CMTM7: variants seen among roughly 807,000 people sequenced by gnomAD.
CMTM7 encodes the protein CKLF-like MARVEL transmembrane domain-containing protein 7.
CMTM7 carries 7 observed loss-of-function variants against 19.3 expected under a neutral mutation model. The ratio of observed to expected loss-of-function variants is 0.36; its 90% CI spans 0.21 to 0.68. CMTM7 has a LOEUF of 0.68. Ranked by LOEUF, CMTM7 falls within the 30% of genes least tolerant of loss-of-function variation. CMTM7 has a pLI of 0.60. For missense variants in CMTM7, 193 were observed against 232.6 expected, an observed-to-expected ratio of 0.83 and a Z score of 1.11; for synonymous variants, 87 against 99.3, an observed-to-expected ratio of 0.88 and a Z score of 0.74.
At chr3:32,397,258 T>C (rs1695931951) in intron 1 of CMTM7, among the ~76,000 whole-genome samples, 1 of 152,172 alleles carries the variant, frequency 6.6e-6, no homozygotes, top group Non-Finnish European at 1.5e-5. Context: ...TACAAAAGCT[T>C]GCGATCAGCT....
chr3:32,406,404 A>G (rs1313746874), intron 1 of CMTM7, among the ~76,000 whole-genome samples: 1 of 152,198 alleles, frequency 6.6e-6, no homozygotes, highest in African/African-American at 2.4e-5. Context: ...CATGCTTTTC[A>G]ACATTTTTGC....
intron 1 of CMTM7, among the ~76,000 whole-genome samples, chr3:32,441,346 C>A (rs1696672890): frequency 6.6e-6 from 1 of 152,170 alleles, no homozygotes; most frequent in Non-Finnish European, 1.5e-5. Flanking sequence ...TGTCAGACAT[C>A]AGTAAATGGT....
At position 32,404,887 on chromosome 3, in the gene CMTM7, G is replaced by T. The variant is rs562935736; in HGVS notation, c.159+12822G>T. Reference sequence around the variant, plus strand: ...GTGAGTTAAAAGATTTTCTCCAGGTGGGCCTGCCCTCATCAGGTAAAAGCC... The same window carrying T: ...GTGAGTTAAAAGATTTTCTCCAGGTTGGCCTGCCCTCATCAGGTAAAAGCC... On this transcript the variant is annotated intron_variant, in intron 1 of 4. Transcript: ENST00000334983. Among the ~76,000 whole-genome samples the T allele has an allele frequency of 7.2e-5, 11 of 152,362 alleles. No individual in the cohort carries two copies. The East Asian group carries it at 1.9e-3, about 27-fold the overall frequency.
chr3:32,451,738 CTCTTCG>C lies in CMTM7; in HGVS notation c.433-650_433-645del, dbSNP rs201140127. ...CCATTTGATGAGCCTCCCACAGGCACTCTTCGTCTCCCAGCACCCGAATCTCATCTA... is the reference window on the plus strand; with the variant it reads ...CCATTTGATGAGCCTCCCACAGGCACTCTCCCAGCACCCGAATCTCATCTA... On this transcript the variant is annotated intron_variant, in intron 3 of 4. Transcript: ENST00000334983. 2.3e-3 allele frequency: 508 copies of C among 225,104 alleles called. 4 individuals are homozygous for C. The highest frequency in any genetic ancestry group is 0.011 in the African/African-American group (482 of 42,392). The allele number at this position is 225,104 out of a possible 1,614,324, so 13.9% of individuals were successfully genotyped here.
At chr3:32,425,827 C>A (rs1220241306) in intron 1 of CMTM7, among the ~76,000 whole-genome samples, 1 of 152,088 alleles carries the variant, frequency 6.6e-6, no homozygotes, top group East Asian at 1.9e-4. Context: ...GAAAGGACAC[C>A]GGTCGGCACC....
At chr3:32,418,333 A>G (rs1188147090) in intron 1 of CMTM7, among the ~76,000 whole-genome samples, 1 of 152,220 alleles carries the variant, frequency 6.6e-6, no homozygotes, top group South Asian at 2.1e-4. Flanking sequence ...GGGATTTACA[A>G]AATGTTTCCA....
Position 32,449,394 on chromosome 3 carries a change from C to A in CMTM7, c.334-60C>A. ...TTTCATGTCTTCTGATGCCCAGTTG[C>A]TCTTCCCGGACCAGAAATGGACGGC... is the stretch of plus-strand genomic sequence containing the variant. On this transcript the variant is annotated intron_variant, in intron 2 of 4. Coordinates refer to ENST00000334983, the MANE Select transcript of CMTM7 (RefSeq NM_138410.4). The surrounding 1 kb of genome is among the most constrained non-coding windows in gnomAD (Gnocchi z 4.5). 1 of 1,139,106 alleles carries A rather than the reference C, an allele frequency of 8.8e-7. No individual in the cohort carries two copies. The highest frequency in any genetic ancestry group is 1.3e-6 in the Non-Finnish European group (1 of 746,450). The allele number at this position is 1,139,106 out of a possible 1,614,324, so 70.6% of individuals were successfully genotyped here. A position where few individuals can be genotyped will look rare whatever the true frequency, so the allele number is the denominator to read the frequency against.
chr3:32,392,123 G>A (rs1695844552), intron 1 of CMTM7, 58 bp downstream of exon 1: 5 of 1,193,076 alleles, frequency 4.2e-6, no homozygotes, highest in Non-Finnish European at 5.2e-6. Flanking sequence ...GAAAGCAGGG[G>A]TCCGGGAGCG....
chr3:32,451,288 C>T (rs1288237484), intron 3 of CMTM7: 1 of 152,282 alleles, frequency 6.6e-6, no homozygotes, highest in African/African-American at 2.4e-5. Context: ...CTTAGCTGCC[C>T]CTGCGCCATT....
At chr3:32,429,750 G>A (rs972716750) in intron 1 of CMTM7, among the ~76,000 whole-genome samples, 6 of 151,752 alleles carry the variant, frequency 4.0e-5, no homozygotes, top group Non-Finnish European at 5.9e-5. Flanking sequence ...ACAGGCGCCC[G>A]CCACCACACC....
At chr3:32,392,308 C>T in intron 1 of CMTM7, among the ~76,000 whole-genome samples, 1 of 151,860 alleles carries the variant, frequency 6.6e-6, no homozygotes, top group East Asian at 1.9e-4. Flanking sequence ...ACCCAGGTCG[C>T]CAGGGTCGCA....
chr3:32,449,650 T>A lies in CMTM7; in HGVS notation c.432+98T>A. The A allele has an allele frequency of 1.1e-6, 1 of 931,558 alleles. No individual in the cohort carries two copies. The highest frequency in any genetic ancestry group is 1.8e-6 in the Non-Finnish European group (1 of 565,078). 57.7% of individuals were successfully genotyped at this position (931,558 alleles called of 1,614,324 possible). On this transcript the variant is annotated intron_variant, in intron 3 of 4. Coordinates refer to ENST00000334983, the MANE Select transcript of CMTM7 (RefSeq NM_138410.4). This position sits in a 1 kb window ranked among gnomAD's most constrained non-coding sequence, Gnocchi z 4.5. The stretch of plus-strand genomic sequence containing the variant: ...GAGAAGGGCTTGGTTTCTGGGGCAT[T>A]CCCTTCATAGAATCAATACCTACCT...
At chr3:32,398,103 G>A (rs1186969673) in intron 1 of CMTM7, among the ~76,000 whole-genome samples, 1 of 152,138 alleles carries the variant, frequency 6.6e-6, no homozygotes, top group Non-Finnish European at 1.5e-5. Context: ...TTAGGGTTGG[G>A]AAGGAAAAAG....
intron 1 of CMTM7, among the ~76,000 whole-genome samples, chr3:32,409,039 G>A (rs1696133985): frequency 6.6e-6 from 1 of 151,950 alleles, no homozygotes; most frequent in African/African-American, 2.4e-5. Context: ...GCGCCACCAT[G>A]CCCAGCTAAT....
chr3:32,442,541 G>A (rs1161466445), intron 2 of CMTM7, among the ~76,000 whole-genome samples: 1 of 149,534 alleles, frequency 6.7e-6, no homozygotes, highest in African/African-American at 2.5e-5. Flanking sequence ...GAAGGCTGTG[G>A]CTATTGCCCC....
chr3:32,408,921 T>A (rs347126), intron 1 of CMTM7, among the ~76,000 whole-genome samples: 51,709 of 151,612 alleles, frequency 0.34, 10,400 homozygotes, highest in South Asian at 0.47. Flanking sequence ...TCTCGCTCTG[T>A]CGCCAGGCTG....
chr3:32,404,547 A>G lies in CMTM7; in HGVS notation c.159+12482A>G, dbSNP rs774332689. On this transcript the variant is annotated intron_variant, in intron 1 of 4. Coordinates refer to ENST00000334983, the MANE Select transcript of CMTM7 (RefSeq NM_138410.4). Reference sequence around the variant, plus strand: ...AGCTGAGAGGTTAAAAGTTAAATACATAGCTGTCCAAAGTTGAATACATCT... The same window carrying G: ...AGCTGAGAGGTTAAAAGTTAAATACGTAGCTGTCCAAAGTTGAATACATCT... Among the ~76,000 whole-genome samples, 7 of 152,222 alleles carry G rather than the reference A, an allele frequency of 4.6e-5. No individual in the cohort carries two copies. In the South Asian group the frequency reaches 1.0e-3, roughly 22 times the overall value.
At chr3:32,441,719 T>C (rs994669515) in intron 1 of CMTM7, 121 bp from the exon 2 acceptor site, 9 of 801,770 alleles carry the variant, frequency 1.1e-5, no homozygotes, top group African/African-American at 8.6e-5. Flanking sequence ...TAACCTGAAT[T>C]GTATTAATAG....
chr3:32,424,795 G>A lies in CMTM7; in HGVS notation c.160-17045G>A, dbSNP rs912264747. On this transcript the variant is annotated intron_variant, in intron 1 of 4. Coordinates refer to ENST00000334983, the MANE Select transcript of CMTM7 (RefSeq NM_138410.4). Reference sequence around the variant, plus strand: ...CCGAGTAGCTGGACCACAGGTGTGCGCCACTGCACCCAGCTAACTTTTCAA... The same window carrying A: ...CCGAGTAGCTGGACCACAGGTGTGCACCACTGCACCCAGCTAACTTTTCAA... Among the ~76,000 whole-genome samples, 9 of 152,224 alleles carry A rather than the reference G, an allele frequency of 5.9e-5. No homozygotes were observed. In the South Asian group the frequency reaches 8.3e-4, roughly 14 times the overall value.
Sources: gnomAD v4.1 joint callset for allele counts (sites outside exome capture counted in the v4.1 genomes callset) on GRCh38, gnomAD v4.1.1 for gene constraint, Gnocchi (gnomAD v3.1) non-coding constraint, MANE v1.5 for transcripts, NCBI Gene and HGNC (gene_info 2026-07-23, HGNC 2026-07-21) for gene names.